HIVEP2: variants seen among roughly 807,000 people sequenced by gnomAD.
HIVEP2 encodes transcription factor HIVEP2.
In HIVEP2, 14 loss-of-function variants were observed where a neutral mutation model predicts 180.7. The observed-to-expected ratio is 0.08, with a 90% CI of 0.05 to 0.12. HIVEP2 has a LOEUF of 0.12. Ranked by LOEUF, HIVEP2 falls within the 10% of genes least tolerant of loss-of-function variation. The probability of loss-of-function intolerance (pLI) is 1.00; values close to 1 mark genes in which losing one functional copy is unlikely to be tolerated. For synonymous variants in HIVEP2, 1,184 were observed against 1,136.4 expected (o/e 1.04, Z -0.84); for missense variants, 2,579 against 3,008.5 (o/e 0.86, Z 3.34).
intron 2 of HIVEP2, among the ~76,000 whole-genome samples, chr6:142,804,552 A>T (rs897667626): frequency 6.6e-6 from 1 of 152,142 alleles, no homozygotes; most frequent in Non-Finnish European, 1.5e-5. Flanking sequence ...TTGAAAAAAA[A>T]ATACACATTT....
chr6:142,873,797 T>G (rs1222614999), intron 1 of HIVEP2, among the ~76,000 whole-genome samples: 1 of 152,162 alleles, frequency 6.6e-6, no homozygotes, highest in Non-Finnish European at 1.5e-5. Context: ...ATAAAAAGAA[T>G]AGATGAGGTG....
chr6:142,827,004 C>T (rs916922783), intron 2 of HIVEP2, among the ~76,000 whole-genome samples: 2 of 152,110 alleles, frequency 1.3e-5, no homozygotes, highest in Non-Finnish European at 2.9e-5. Flanking sequence ...ATTGTAAACA[C>T]GCTCACTCTC....
intron 3 of HIVEP2, among the ~76,000 whole-genome samples, chr6:142,776,540 GT>G (rs34160387): frequency 6.6e-6 from 1 of 150,984 alleles, no homozygotes. Flanking sequence ...TTTTTGTTTT[GT>G]TTTTTTTGAG....
chr6:142,900,637 A>C (rs761070961), intron 1 of HIVEP2, among the ~76,000 whole-genome samples: 1 of 152,196 alleles, frequency 6.6e-6, no homozygotes, highest in Admixed American at 6.5e-5. Flanking sequence ...GAGAGGGAGA[A>C]GAGCATTTTT....
At chr6:142,784,844 A>T (rs563598552) in intron 2 of HIVEP2, among the ~76,000 whole-genome samples, 1 of 152,302 alleles carries the variant, frequency 6.6e-6, no homozygotes, top group South Asian at 2.1e-4. Flanking sequence ...ATGATATCCT[A>T]AAAAATATAC....
intron 1 of HIVEP2, among the ~76,000 whole-genome samples, chr6:142,890,280 GT>G (rs1483884283): frequency 1.3e-5 from 2 of 152,154 alleles, no homozygotes; most frequent in African/African-American, 4.8e-5. Context: ...AGATAACAGA[GT>G]TCCATAGAGA....
intron 1 of HIVEP2, among the ~76,000 whole-genome samples, chr6:142,838,037 A>G (rs890493723): frequency 3.3e-5 from 5 of 152,084 alleles, no homozygotes; most frequent in African/African-American, 1.2e-4. Flanking sequence ...CCACTCCCCC[A>G]AACCCACTAA....
At chr6:142,870,184 T>A (rs977129321) in intron 1 of HIVEP2, among the ~76,000 whole-genome samples, 2 of 151,956 alleles carry the variant, frequency 1.3e-5, no homozygotes, top group Non-Finnish European at 2.9e-5. Flanking sequence ...CAAAGGTTAT[T>A]ATTGACTTGA....
intron 1 of HIVEP2, among the ~76,000 whole-genome samples, chr6:142,910,375 G>T (rs1052932111): frequency 2.6e-5 from 4 of 152,204 alleles, no homozygotes; most frequent in African/African-American, 7.2e-5. Flanking sequence ...GGCTGAGGCA[G>T]GCAGATCACG....
chr6:142,787,619 C>T (rs926470017), intron 2 of HIVEP2, among the ~76,000 whole-genome samples: 3 of 148,922 alleles, frequency 2.0e-5, no homozygotes, highest in Non-Finnish European at 3.0e-5. Flanking sequence ...CTCTGGAGTG[C>T]GTAAAGTGGC....
intron 1 of HIVEP2, among the ~76,000 whole-genome samples, chr6:142,935,785 G>A (rs1582977649): frequency 6.6e-6 from 1 of 152,150 alleles, no homozygotes; most frequent in East Asian, 1.9e-4. Context: ...ACTGTATTGA[G>A]CACACTTTTG....
chr6:142,918,266 A>G (rs1353945782), intron 1 of HIVEP2, among the ~76,000 whole-genome samples: 2 of 152,144 alleles, frequency 1.3e-5, no homozygotes. Flanking sequence ...GGCTGGTCTC[A>G]AAGTCCTGAC....
At chr6:142,818,691 ACAAGAAAGAAAG>A (rs1490443041) in intron 2 of HIVEP2, among the ~76,000 whole-genome samples, 1 of 37,042 alleles carries the variant, frequency 2.7e-5, no homozygotes, top group African/African-American at 1.4e-4. Context: ...AGAGAGAGAG[ACAAGAAAGAAAG>A]AAAGAAAGAA....
intron 1 of HIVEP2, among the ~76,000 whole-genome samples, chr6:142,845,780 G>A (rs185510746): frequency 6.6e-6 from 1 of 152,238 alleles, no homozygotes; most frequent in African/African-American, 2.4e-5. Context: ...TGCCAAGGAG[G>A]CTCCTCAGAT....
chr6:142,820,951 TAACA>T (rs1777016678), intron 2 of HIVEP2, among the ~76,000 whole-genome samples: 1 of 151,976 alleles, frequency 6.6e-6, no homozygotes, highest in Non-Finnish European at 1.5e-5. Context: ...AGAGAAACAC[TAACA>T]AACATTTTTT....
chr6:142,765,529 T>G (rs561059948), intron 6 of HIVEP2, among the ~76,000 whole-genome samples: 3 of 152,296 alleles, frequency 2.0e-5, no homozygotes, highest in East Asian at 3.9e-4. Flanking sequence ...TTACACAGGG[T>G]GAGCTCAGCT....
At chr6:142,816,775 T>C (rs1776848669) in intron 2 of HIVEP2, among the ~76,000 whole-genome samples, 1 of 152,222 alleles carries the variant, frequency 6.6e-6, no homozygotes, top group South Asian at 2.1e-4. Flanking sequence ...AGGAACTGAG[T>C]TTACTGCCAA....
At chr6:142,862,802 T>C (rs1279589439) in intron 1 of HIVEP2, among the ~76,000 whole-genome samples, 1 of 134,640 alleles carries the variant, frequency 7.4e-6, no homozygotes, top group Non-Finnish European at 1.5e-5. Flanking sequence ...ATAATATATT[T>C]AGATATCATA....
At chr6:142,777,240 T>C (rs1252518451) in intron 3 of HIVEP2, among the ~76,000 whole-genome samples, 2 of 152,166 alleles carry the variant, frequency 1.3e-5, no homozygotes, top group African/African-American at 4.8e-5. Flanking sequence ...TTAAATAAAT[T>C]ATGGCTCAAT....
Sources: allele counts gnomAD v4.1 joint callset (sites outside exome capture counted in the v4.1 genomes callset), GRCh38; gene constraint gnomAD v4.1.1; transcripts MANE v1.5; gene names NCBI Gene and HGNC (gene_info 2026-07-23, HGNC 2026-07-21).